KALRN: variants seen among roughly 807,000 people sequenced by gnomAD.
KALRN encodes the protein kalirin RhoGEF kinase, also known as kalirin.
A neutral mutation model predicts 353.7 loss-of-function variants in KALRN; 70 were observed. The ratio of observed to expected loss-of-function variants is 0.20; its 90% CI spans 0.16 to 0.24. The LOEUF is 0.24. Among genes scored for constraint, KALRN ranks in the 10% least tolerant of loss-of-function variants. The pLI, the probability that KALRN is intolerant of heterozygous loss-of-function variation, is 1.00. For synonymous variants in KALRN, 1,391 were observed against 1,434.8 expected, an observed-to-expected ratio of 0.97 and a Z score of 0.69; for missense variants, 2,791 against 3,756.7, an observed-to-expected ratio of 0.74 and a Z score of 6.72.
At chr3:124,173,912 G>A (rs1039758516) in intron 1 of KALRN, among the ~76,000 whole-genome samples, 1 of 152,072 alleles carries the variant, frequency 6.6e-6, no homozygotes, top group Admixed American at 6.6e-5. Context: ...CCGTCCCTGT[G>A]CTTTTGAATG....
chr3:124,531,484 T>G (rs2068038123), intron 33 of KALRN, among the ~76,000 whole-genome samples: 1 of 152,208 alleles, frequency 6.6e-6, no homozygotes, highest in South Asian at 2.1e-4. Flanking sequence ...CACATTGCTA[T>G]AAAGAAATAC....
chr3:124,438,985 A>G lies in KALRN; in HGVS notation c.3146A>G (p.His1049Arg). The G allele has an allele frequency of 6.2e-7, 1 of 1,614,158 alleles. No homozygotes were observed. Among genetic ancestry groups the G allele is most frequent in the Non-Finnish European group, 8.5e-7 (1 of 1,180,028 alleles). The part of the protein sequence containing the change: ...DKLGPAAEID[H>R]VIPLISKHLE... The stretch of plus-strand genomic sequence containing the variant: ...CTGGGGCCAGCAGCAGAGATCGACC[A>G]TGTCATTCCCCTCATCAGCAAACAT... Residue 1049 changes from histidine (H) to arginine (R), a missense_variant, in exon 18 of 60, where the codon CAT (histidine) becomes CGT (arginine). His to Arg is a conservative substitution (Grantham distance 29). This residue lies in a region of KALRN where 452 missense variants were observed against 575.8 expected (regional missense o/e 0.78). Coordinates refer to ENST00000682506, the MANE Select transcript of KALRN (RefSeq NM_001388419.1).
intron 10 of KALRN, among the ~76,000 whole-genome samples, chr3:124,381,016 A>G (rs980837630): frequency 2.0e-5 from 3 of 152,172 alleles, no homozygotes; most frequent in African/African-American, 7.2e-5. Context: ...GAGATGAAAG[A>G]CATTATCTGC....
intron 5 of KALRN, among the ~76,000 whole-genome samples, chr3:124,297,545 A>G (rs2076941312): frequency 6.6e-6 from 1 of 152,218 alleles, no homozygotes; most frequent in Admixed American, 6.5e-5. Context: ...TTTCTGTAGC[A>G]GCCTCCTAAC....
intron 13 of KALRN, among the ~76,000 whole-genome samples, chr3:124,403,543 C>A (rs1280585120): frequency 6.6e-6 from 1 of 152,108 alleles, no homozygotes; most frequent in African/African-American, 2.4e-5. Context: ...TATATCAATT[C>A]TAAATCTATG....
intron 33 of KALRN, among the ~76,000 whole-genome samples, chr3:124,511,748 A>G (rs1165538670): frequency 6.6e-6 from 1 of 152,196 alleles, no homozygotes; most frequent in Non-Finnish European, 1.5e-5. Flanking sequence ...AATTGCCTTC[A>G]TCTACCAAAC....
At chr3:124,339,377 C>A (rs2081451668) in intron 9 of KALRN, among the ~76,000 whole-genome samples, 1 of 152,174 alleles carries the variant, frequency 6.6e-6, no homozygotes, top group African/African-American at 2.4e-5. Context: ...GTCCGTACAC[C>A]TGCTAATGAG....
intron 1 of KALRN, among the ~76,000 whole-genome samples, chr3:124,115,998 A>T (rs1439524461): frequency 1.3e-5 from 2 of 152,264 alleles, no homozygotes; most frequent in Non-Finnish European, 2.9e-5. Flanking sequence ...GTGACTTAAA[A>T]CTTCTGTACT....
intron 51 of KALRN, among the ~76,000 whole-genome samples, chr3:124,684,693 A>C (rs1389284195): frequency 1.3e-5 from 2 of 152,184 alleles, no homozygotes; most frequent in African/African-American, 4.8e-5. Context: ...TCTGACTTTG[A>C]AAACATTGAG....
At chr3:124,084,030 C>T (rs969519455) in intron 1 of KALRN, among the ~76,000 whole-genome samples, 1 of 152,194 alleles carries the variant, frequency 6.6e-6, no homozygotes, top group Admixed American at 6.5e-5. Flanking sequence ...GACCAAATCA[C>T]ATTTTCCACA....
intron 6 of KALRN, among the ~76,000 whole-genome samples, chr3:124,324,322 T>C (rs1580962770): frequency 6.6e-6 from 1 of 152,180 alleles, no homozygotes; most frequent in South Asian, 2.1e-4. Context: ...ATTCTTCCCA[T>C]AGAAGATAAA....
chr3:124,237,364 T>C (rs1164812665), intron 3 of KALRN, among the ~76,000 whole-genome samples: 1 of 149,538 alleles, frequency 6.7e-6, no homozygotes, highest in Non-Finnish European at 1.5e-5. Flanking sequence ...GATCATTTGA[T>C]GCTTTTTTTT....
rs529049173 is a variant in KALRN, at chr3:124,244,296, G to A, written c.263+9353G>A. 5.9e-5 allele frequency among the ~76,000 whole-genome samples: 9 copies of A among 152,188 alleles called. No individual in the cohort carries two copies. The South Asian group carries it at 1.9e-3, about 32-fold the overall frequency. On this transcript the variant is annotated intron_variant, in intron 3 of 59. Coordinates refer to ENST00000682506, the MANE Select transcript of KALRN (RefSeq NM_001388419.1). ...CTTGTCACCCAGGCTGGAGTGCAAT[G>A]GCGTGATCTTGGCTCACTGCAACCT...
chr3:124,401,150 G>A (rs2090813532), intron 13 of KALRN, among the ~76,000 whole-genome samples: 1 of 152,144 alleles, frequency 6.6e-6, no homozygotes, highest in Non-Finnish European at 1.5e-5. Context: ...AAAAATGTGG[G>A]TTTAAATCAC....
At chr3:124,653,914 T>C (rs929115104) in intron 38 of KALRN, among the ~76,000 whole-genome samples, 13 of 152,244 alleles carry the variant, frequency 8.5e-5, no homozygotes, top group African/African-American at 3.1e-4. Flanking sequence ...GAATGTCTTT[T>C]AATACGTCAT....
intron 1 of KALRN, among the ~76,000 whole-genome samples, chr3:124,204,205 G>C (rs773007961): frequency 3.6e-4 from 55 of 152,078 alleles, no homozygotes; most frequent in Non-Finnish European, 6.9e-4. Context: ...TTATTGTTTT[G>C]CTCTTATGCT....
chr3:124,167,942 T>C (rs1053687547), intron 1 of KALRN, among the ~76,000 whole-genome samples: 3 of 152,216 alleles, frequency 2.0e-5, no homozygotes, highest in African/African-American at 4.8e-5. Flanking sequence ...TGCACAGCAC[T>C]GGTTTGGAGT....
chr3:124,570,729 T>C (rs2073420288), intron 34 of KALRN, among the ~76,000 whole-genome samples: 1 of 152,236 alleles, frequency 6.6e-6, no homozygotes. Flanking sequence ...TTCAGAATCA[T>C]AAAAAGTTAG....
intron 1 of KALRN, chr3:124,152,915 G>A (rs918467881): frequency 1.7e-4 from 31 of 180,472 alleles, no homozygotes; most frequent in African/African-American, 7.4e-4. Flanking sequence ...GCACCTGGCT[G>A]TGCTTTGCTT....
Sources: allele counts gnomAD v4.1 joint callset (sites outside exome capture counted in the v4.1 genomes callset), GRCh38; gene constraint gnomAD v4.1.1; regional missense constraint gnomAD v4.1.1; transcripts MANE v1.5; gene names NCBI Gene and HGNC (gene_info 2026-07-23, HGNC 2026-07-21).